The following GPR158 variants were observed in gnomAD, a reference collection of about 807,000 sequenced individuals.
The protein encoded by GPR158 is metabotropic glycine receptor.
Under a neutral mutation model 78.2 loss-of-function variants are expected in GPR158, and 30 were observed. That is an observed-to-expected ratio of 0.38 (90% CI 0.29 to 0.52). GPR158 has a LOEUF of 0.52. GPR158 is among the 20% of genes least tolerant of loss of function. The pLI is 0.83. For missense variants in GPR158, 1,463 were observed against 1,523.5 expected, an observed-to-expected ratio of 0.96 and a Z score of 0.66; for synonymous variants, 581 against 591.1, an observed-to-expected ratio of 0.98 and a Z score of 0.25.
intron 2 of GPR158, among the ~76,000 whole-genome samples, chr10:25,317,201 C>T (rs376941954): frequency 6.6e-6 from 1 of 151,766 alleles, no homozygotes; most frequent in East Asian, 1.9e-4. Flanking sequence ...GGCATCACCA[C>T]ACCAGGCTAA....
intron 4 of GPR158, among the ~76,000 whole-genome samples, chr10:25,424,271 G>T (rs1476184431): frequency 6.6e-6 from 1 of 152,150 alleles, no homozygotes; most frequent in Non-Finnish European, 1.5e-5. Context: ...GTAGATTCAG[G>T]ATATTAGCCC....
At chr10:25,438,829 T>C (rs1394607005) in intron 4 of GPR158, among the ~76,000 whole-genome samples, 1 of 152,244 alleles carries the variant, frequency 6.6e-6, no homozygotes, top group Non-Finnish European at 1.5e-5. Context: ...TTGAGTCTTA[T>C]TTCCTAATAT....
At chr10:25,343,086 C>T (rs961507923) in intron 2 of GPR158, among the ~76,000 whole-genome samples, 3 of 151,984 alleles carry the variant, frequency 2.0e-5, no homozygotes, top group African/African-American at 7.2e-5. Context: ...GTGAGGTTTA[C>T]ATCTTGGTCA....
intron 1 of GPR158, among the ~76,000 whole-genome samples, chr10:25,206,575 GAT>G (rs1853034285): frequency 6.6e-6 from 1 of 152,014 alleles, no homozygotes; most frequent in South Asian, 2.1e-4. Context: ...ATAACATTTT[GAT>G]ATATATCTTT....
chr10:25,528,037 T>C (rs1836373469), intron 5 of GPR158, among the ~76,000 whole-genome samples: 1 of 152,072 alleles, frequency 6.6e-6, no homozygotes, highest in Non-Finnish European at 1.5e-5. Flanking sequence ...AAATTTATAA[T>C]GAAAAGACTT....
At chr10:25,204,756 A>T (rs1466711699) in intron 1 of GPR158, among the ~76,000 whole-genome samples, 1 of 145,868 alleles carries the variant, frequency 6.9e-6, no homozygotes, top group East Asian at 2.0e-4. Context: ...ATCAGAATCC[A>T]TTTTTTAAAA....
intron 4 of GPR158, among the ~76,000 whole-genome samples, chr10:25,427,267 T>C (rs1255086343): frequency 6.6e-6 from 1 of 152,068 alleles, no homozygotes; most frequent in East Asian, 1.9e-4. Context: ...ACTTACTCTT[T>C]GGGCTTCTGA....
intron 2 of GPR158, among the ~76,000 whole-genome samples, chr10:25,372,292 C>T (rs1834006847): frequency 6.6e-6 from 1 of 151,948 alleles, no homozygotes; most frequent in African/African-American, 2.4e-5. Flanking sequence ...TTGTGGAAGT[C>T]AGTGTGGTGA....
chr10:25,573,219 T>C (rs915213342), intron 7 of GPR158, among the ~76,000 whole-genome samples: 1 of 152,236 alleles, frequency 6.6e-6, no homozygotes, highest in South Asian at 2.1e-4. Flanking sequence ...ATATTGGCTA[T>C]TCTCTTGATT....
intron 2 of GPR158, among the ~76,000 whole-genome samples, chr10:25,228,557 GT>G (rs1853404366): frequency 6.6e-6 from 1 of 152,134 alleles, no homozygotes; most frequent in African/African-American, 2.4e-5. Flanking sequence ...CTCCAGTATG[GT>G]TTAAGGATTA....
chr10:25,508,978 T>G (rs2130666726), intron 5 of GPR158, among the ~76,000 whole-genome samples: 1 of 152,306 alleles, frequency 6.6e-6, no homozygotes, highest in East Asian at 1.9e-4. Flanking sequence ...TAGCTACTAG[T>G]TGGTAAAGTC....
At chr10:25,386,997 A>G (rs1231820389) in intron 2 of GPR158, among the ~76,000 whole-genome samples, 2 of 151,994 alleles carry the variant, frequency 1.3e-5, no homozygotes, top group Admixed American at 1.3e-4. Context: ...TCTGGCAAGG[A>G]CTTACAGTAC....
At chr10:25,264,567 C>G (rs974345638) in intron 2 of GPR158, among the ~76,000 whole-genome samples, 4 of 152,158 alleles carry the variant, frequency 2.6e-5, no homozygotes, top group Admixed American at 2.6e-4. Flanking sequence ...AGCTGCCCAG[C>G]TAAACCTAAT....
intron 5 of GPR158, among the ~76,000 whole-genome samples, chr10:25,547,542 C>A (rs1226525968): frequency 1.3e-5 from 2 of 152,156 alleles, no homozygotes; most frequent in Admixed American, 6.6e-5. Flanking sequence ...ACTTGTCAGC[C>A]CTTCCAGGAT....
intron 5 of GPR158, among the ~76,000 whole-genome samples, chr10:25,489,547 C>T (rs1271748682): frequency 6.6e-6 from 1 of 152,116 alleles, no homozygotes; most frequent in African/African-American, 2.4e-5. Flanking sequence ...AAAGGTTTCA[C>T]ACTAGAATGC....
intron 4 of GPR158, among the ~76,000 whole-genome samples, chr10:25,413,823 T>C (rs944543992): frequency 6.6e-6 from 1 of 152,316 alleles, no homozygotes. Context: ...CAGCACAAAT[T>C]AAAATCAAGC....
chr10:25,448,156 C>T (rs904316611), intron 4 of GPR158, among the ~76,000 whole-genome samples: 4 of 147,584 alleles, frequency 2.7e-5, no homozygotes, highest in African/African-American at 1.0e-4. Flanking sequence ...GTGATCTAGG[C>T]TCACTGCAAG....
At chr10:25,243,042 C>T (rs1334059) in intron 2 of GPR158, among the ~76,000 whole-genome samples, 14,590 of 152,212 alleles carry the variant, frequency 0.096, 1,233 homozygotes, top group East Asian at 0.41. Flanking sequence ...GCATACAGCA[C>T]CAGACAATGG....
chr10:25,175,333 A>G lies in GPR158; in HGVS notation c.-88A>G. ...CTGGAGAAGGGGGAAGACTCCTCGA[A>G]AAAGTCTGACTGTTGAGAAACTGAC... On this transcript the variant is annotated 5_prime_UTR_variant, in exon 1 of 11. Transcript: ENST00000376351. The surrounding 1 kb of genome is among the most constrained non-coding windows in gnomAD (Gnocchi z 6.4). 1 of 796,064 alleles carries G rather than the reference A, an allele frequency of 1.3e-6. No homozygotes were observed. Among genetic ancestry groups the G allele is most frequent in the Non-Finnish European group, 2.0e-6 (1 of 488,958 alleles). 49.3% of individuals were successfully genotyped at this position (796,064 alleles called of 1,614,324 possible).
Sources: gnomAD v4.1 joint callset for allele counts (sites outside exome capture counted in the v4.1 genomes callset) on GRCh38, gnomAD v4.1.1 for gene constraint, Gnocchi (gnomAD v3.1) non-coding constraint, MANE v1.5 for transcripts, NCBI Gene and HGNC (gene_info 2026-07-23, HGNC 2026-07-21) for gene names.